The following PRSS55 variants were observed in gnomAD, a reference collection of about 807,000 sequenced individuals.
PRSS55 encodes the protein probable serine protease UNQ9391/PRO34284.
A neutral mutation model predicts 23.6 loss-of-function variants in PRSS55; 41 were observed. The ratio of observed to expected loss-of-function variants is 1.74; its 90% CI spans 1.35 to 2.26. The LOEUF is 2.26. Ranked by LOEUF, PRSS55 falls within the 30% of genes most tolerant of loss-of-function variation. The pLI, the probability that PRSS55 is intolerant of heterozygous loss-of-function variation, is 0.00. For missense variants in PRSS55, 669 were observed against 439.1 expected, an observed-to-expected ratio of 1.52 and a Z score of -4.68; for synonymous variants, 262 against 175.5, an observed-to-expected ratio of 1.49 and a Z score of -3.90.
intron 1 of PRSS55, among the ~76,000 whole-genome samples, chr8:10,528,112 T>C (rs372456036): frequency 3.3e-5 from 5 of 151,782 alleles, no homozygotes; most frequent in Admixed American, 6.6e-5. Context: ...GGCAGGAGGA[T>C]TGCTTGAACC....
At chr8:10,539,854 G>A (rs4841372), downstream of PRSS55, among the ~76,000 whole-genome samples, 152,208 of 152,372 alleles carry the variant, frequency 1, 76,022 homozygotes, top group Non-Finnish European at 1. Context: ...CAGCTGTGTG[G>A]AAACGGACTA....
chr8:10,527,463 T>C (rs1157722807), intron 1 of PRSS55, among the ~76,000 whole-genome samples: 1 of 152,172 alleles, frequency 6.6e-6, no homozygotes, highest in Non-Finnish European at 1.5e-5. Context: ...TAGGAGTTGA[T>C]GTAACGAGGA....
intron 4 of PRSS55, among the ~76,000 whole-genome samples, chr8:10,545,586 G>A (rs935347738): frequency 5.9e-5 from 9 of 152,158 alleles, no homozygotes; most frequent in Admixed American, 2.0e-4. Context: ...ACGAGACCCA[G>A]ACTTTAATCA....
At position 10,525,712 on chromosome 8, in the gene PRSS55, C is replaced by A. The variant is rs148104469; in HGVS notation, c.127C>A (p.Pro43Thr). ...GGCTAGGGGAGCCCACCGCCCTCAG[C>A]CCCCTCATCCCCCCAGCCCAGTCAG... Reference protein sequence around the residue: ...GRARGAHRPQPPHPPSPVSEC... With the variant: ...GRARGAHRPQTPHPPSPVSEC... The change falls in exon 1 of 5, where the codon CCC (proline) becomes ACC (threonine). Residue 43 changes from proline to threonine, a missense_variant. Transcript: ENST00000328655. The A allele has an allele frequency of 6.2e-7, 1 of 1,611,150 alleles. No homozygotes were observed.
chr8:10,548,313 G>A (rs78161738), intron 4 of PRSS55, among the ~76,000 whole-genome samples: 1 of 152,078 alleles, frequency 6.6e-6, no homozygotes, highest in African/African-American at 2.4e-5. Context: ...CAGGACTGGA[G>A]ACCTGGGGCA....
intron 4 of PRSS55, among the ~76,000 whole-genome samples, chr8:10,544,042 G>A (rs1048636993): frequency 3.9e-5 from 6 of 152,074 alleles, no homozygotes; most frequent in Non-Finnish European, 8.8e-5. Flanking sequence ...AGGTCTAGCT[G>A]GTTTATAGTA....
intron 4 of PRSS55, chr8:10,545,229 A>AC (rs1263433778): frequency 4.1e-5 from 6 of 147,738 alleles, no homozygotes; most frequent in African/African-American, 1.3e-4. Flanking sequence ...AGAGTGTCTC[A>AC]CTCTATCACC....
At chr8:10,531,865 G>A (rs940244804) in intron 3 of PRSS55, among the ~76,000 whole-genome samples, 3 of 152,192 alleles carry the variant, frequency 2.0e-5, no homozygotes, top group Non-Finnish European at 2.9e-5. Context: ...ATTCCCACGG[G>A]TATGTTTCCT....
intron 3 of PRSS55, among the ~76,000 whole-genome samples, chr8:10,532,331 AG>A (rs2117028112): frequency 6.6e-6 from 1 of 152,306 alleles, no homozygotes; most frequent in South Asian, 2.1e-4. Context: ...AATCAGGGGA[AG>A]AAATGTGAAA....
intron 1 of PRSS55, among the ~76,000 whole-genome samples, chr8:10,526,918 A>C (rs1449170279): frequency 6.6e-6 from 1 of 152,222 alleles, no homozygotes; most frequent in African/African-American, 2.4e-5. Flanking sequence ...AATAAGCAAC[A>C]GAGCCTGGAT....
intron 4 of PRSS55, chr8:10,553,835 G>C: frequency 1.5e-6 from 1 of 684,682 alleles, no homozygotes; most frequent in Middle Eastern, 3.9e-4. Flanking sequence ...ATGTTAATTA[G>C]TTTAATTGGA....
rs191229774 is a variant in PRSS55, at chr8:10,532,890, T to C, written c.599-16T>C. 3.1e-6 allele frequency: 5 copies of C among 1,614,108 alleles called. No individual in the cohort carries two copies. The African/African-American group carries it at 5.3e-5, about 17-fold the overall frequency. ...AGGCCCAGTGGCTTCTCTAATGCGCTTTCTCTCTGGGCCAGCTGACAAAAA... is the reference window on the plus strand; with the variant it reads ...AGGCCCAGTGGCTTCTCTAATGCGCCTTCTCTCTGGGCCAGCTGACAAAAA... On this transcript the variant is annotated splice_polypyrimidine_tract_variant and intron_variant, in intron 3 of 4. Coordinates refer to ENST00000328655, the MANE Select transcript of PRSS55 (RefSeq NM_198464.4).
chr8:10,551,794 G>C (rs541409068), intron 4 of PRSS55, among the ~76,000 whole-genome samples: 22 of 152,310 alleles, frequency 1.4e-4, no homozygotes, highest in African/African-American at 5.3e-4. Flanking sequence ...TCCCTCTCCT[G>C]TGTCAAGCCC....
At chr8:10,537,735 T>C (rs950432995) in intron 4 of PRSS55, among the ~76,000 whole-genome samples, 1 of 152,156 alleles carries the variant, frequency 6.6e-6, no homozygotes, top group African/African-American at 2.4e-5. Context: ...TATGTACCCA[T>C]AATAATTAAT....
intron 4 of PRSS55, among the ~76,000 whole-genome samples, chr8:10,548,497 C>T (rs1423081959): frequency 6.6e-6 from 1 of 152,134 alleles, no homozygotes; most frequent in Non-Finnish European, 1.5e-5. Context: ...GCTGTGGCAC[C>T]GCGGGGCTGC....
chr8:10,537,814 C>T (rs987422294), intron 4 of PRSS55, among the ~76,000 whole-genome samples: 6 of 152,112 alleles, frequency 3.9e-5, no homozygotes, highest in East Asian at 1.9e-4. Flanking sequence ...CTCAGCAAGC[C>T]CTTTCTCCTC....
At chr8:10,541,953 T>C (rs1297821451), downstream of PRSS55, among the ~76,000 whole-genome samples, 1 of 152,040 alleles carries the variant, frequency 6.6e-6, no homozygotes, top group Non-Finnish European at 1.5e-5. Flanking sequence ...TTTTAAAATT[T>C]TTTGTAGAGA....
chr8:10,549,276 C>T, intron 4 of PRSS55, among the ~76,000 whole-genome samples: 1 of 152,164 alleles, frequency 6.6e-6, no homozygotes, highest in African/African-American at 2.4e-5. Context: ...ACTGAAGAGG[C>T]TTGAGCAAGA....
At chr8:10,550,512 C>T (rs561378345) in intron 4 of PRSS55, among the ~76,000 whole-genome samples, 1 of 152,306 alleles carries the variant, frequency 6.6e-6, no homozygotes, top group African/African-American at 2.4e-5. Flanking sequence ...ACTTCCAAGA[C>T]AGATACAAAC....
Sources: gnomAD v4.1 joint callset for allele counts (sites outside exome capture counted in the v4.1 genomes callset) on GRCh38, gnomAD v4.1.1 for gene constraint, MANE v1.5 for transcripts, NCBI Gene and HGNC (gene_info 2026-07-23, HGNC 2026-07-21) for gene names.